ETNK1: variants seen among roughly 807,000 people sequenced by gnomAD.
ETNK1 encodes putative protein product of Nbla10396.
In ETNK1, 8 loss-of-function variants were observed where a neutral mutation model predicts 45.1. The ratio of observed to expected loss-of-function variants is 0.18; its 90% CI spans 0.10 to 0.32. ETNK1 has a LOEUF of 0.32. Ranked by LOEUF, ETNK1 falls within the 10% of genes least tolerant of loss-of-function variation. ETNK1 has a pLI of 1.00. For synonymous variants in ETNK1, 152 were observed against 151.9 expected (o/e 1.00, Z -0.01); for missense variants, 302 against 430.6 (o/e 0.70, Z 2.64).
At chr12:22,673,191 T>C (rs1347649566) in intron 5 of ETNK1, among the ~76,000 whole-genome samples, 1 of 152,196 alleles carries the variant, frequency 6.6e-6, no homozygotes, top group East Asian at 1.9e-4. Flanking sequence ...CTTAAGAATT[T>C]CCTGGGTTGC....
intron 3 of ETNK1, 121 bp downstream of exon 3, chr12:22,659,275 A>G: frequency 2.0e-6 from 2 of 991,194 alleles, no homozygotes; most frequent in Non-Finnish European, 2.9e-6. Flanking sequence ...CATTGAAGTA[A>G]AGTAAGCATT....
intron 1 of ETNK1, among the ~76,000 whole-genome samples, chr12:22,629,331 G>T (rs1335640359): frequency 6.6e-6 from 1 of 151,990 alleles, no homozygotes; most frequent in East Asian, 1.9e-4. Context: ...TTTACTACAG[G>T]TTTTTGCCTG....
At chr12:22,636,138 G>C (rs1483125739) in intron 1 of ETNK1, among the ~76,000 whole-genome samples, 4 of 152,126 alleles carry the variant, frequency 2.6e-5, no homozygotes, top group Non-Finnish European at 5.9e-5. Flanking sequence ...ACTGCAGCCT[G>C]GGTGAACAGA....
chr12:22,666,958 T>A lies in ETNK1; in HGVS notation c.701-4314T>A, dbSNP rs562624898. ...AGAAGAGTTTTTTCATTGGTACTTT[T>A]AAAAAATTTAAATAAATACAAATTG... On this transcript the variant is annotated intron_variant, in intron 4 of 7. Transcript: ENST00000266517. Among the ~76,000 whole-genome samples, 94 of 152,294 alleles carry A rather than the reference T, an allele frequency of 6.2e-4. 1 individual carries two copies. Among genetic ancestry groups the A allele is most frequent in the Middle Eastern group, 3.4e-3 (1 of 294 alleles).
intron 2 of ETNK1, among the ~76,000 whole-genome samples, chr12:22,645,322 T>G (rs1953793691): frequency 6.6e-6 from 1 of 151,848 alleles, no homozygotes; most frequent in Admixed American, 6.6e-5. Flanking sequence ...AGTTTCCTTG[T>G]AACTAAAGCA....
At chr12:22,675,875 T>C (rs12308946) in intron 6 of ETNK1, among the ~76,000 whole-genome samples, 7,106 of 152,296 alleles carry the variant, frequency 0.047, 542 homozygotes, top group African/African-American at 0.16. Flanking sequence ...AATAATTTAA[T>C]ATGTCCTCTG....
intron 2 of ETNK1, chr12:22,644,393 A>C (rs1953780545): frequency 7.7e-7 from 1 of 1,296,318 alleles, no homozygotes; most frequent in Non-Finnish European, 9.9e-7. Flanking sequence ...TGCCTATTAA[A>C]ATTTTATTAA....
At chr12:22,629,416 T>C (rs1231677943) in intron 1 of ETNK1, among the ~76,000 whole-genome samples, 1 of 152,142 alleles carries the variant, frequency 6.6e-6, no homozygotes, top group African/African-American at 2.4e-5. Context: ...AAATTAATCT[T>C]TGTGTTAGGT....
chr12:22,665,722 T>G (rs922136954), intron 4 of ETNK1, among the ~76,000 whole-genome samples: 1 of 152,150 alleles, frequency 6.6e-6, no homozygotes, highest in Non-Finnish European at 1.5e-5. Flanking sequence ...GGTACATGGT[T>G]TGCCAACCCT....
chr12:22,629,881 C>A (rs1329645258), intron 1 of ETNK1, among the ~76,000 whole-genome samples: 1 of 152,020 alleles, frequency 6.6e-6, no homozygotes, highest in Non-Finnish European at 1.5e-5. Flanking sequence ...TTTTCTGTTT[C>A]CTATTCCCTC....
At position 22,659,335 on chromosome 12, in the gene ETNK1, C is replaced by T. The variant is rs180753028; in HGVS notation, c.557+181C>T. Among the ~76,000 whole-genome samples the T allele has an allele frequency of 1.8e-4, 27 of 152,208 alleles. No homozygotes were observed. The East Asian group carries it at 1.9e-3, about 11-fold the overall frequency. On this transcript the variant is annotated intron_variant, in intron 3 of 7. Coordinates refer to ENST00000266517, the MANE Select transcript of ETNK1 (RefSeq NM_018638.5). ...TACAGAAATAACTGCCTCTCCATCCCCCTCAGTGTCCCCTCCCAAAAAATA... is the reference window on the plus strand; with the variant it reads ...TACAGAAATAACTGCCTCTCCATCCTCCTCAGTGTCCCCTCCCAAAAAATA...
intron 2 of ETNK1, chr12:22,644,360 A>G: frequency 1.4e-6 from 2 of 1,446,062 alleles, no homozygotes; most frequent in Non-Finnish European, 1.8e-6. Flanking sequence ...TTATTACTTA[A>G]TTGTTCATGT....
rs573229756 is a variant in ETNK1 at position 22,674,543 on chromosome 12, A to G, written c.945+883A>G. 1.1e-3 allele frequency among the ~76,000 whole-genome samples: 161 copies of G among 152,306 alleles called. 1 individual carries two copies. The highest frequency in any genetic ancestry group is 3.6e-3 in the African/African-American group (149 of 41,562). On this transcript the variant is annotated intron_variant, in intron 6 of 7. Transcript: ENST00000266517. Reference sequence around the variant, plus strand: ...TATTTTCAGTACAGTTACTGGTTCAATTAATGACATGCTCTACAGCTGGTC... The same window carrying G: ...TATTTTCAGTACAGTTACTGGTTCAGTTAATGACATGCTCTACAGCTGGTC...
chr12:22,642,221 C>A (rs970757449), intron 1 of ETNK1, among the ~76,000 whole-genome samples: 1 of 151,816 alleles, frequency 6.6e-6, no homozygotes, highest in Non-Finnish European at 1.5e-5. Context: ...TCTTTATTAC[C>A]GTATTTGAAA....
At chr12:22,659,419 A>C (rs555023015) in intron 3 of ETNK1, among the ~76,000 whole-genome samples, 1 of 152,198 alleles carries the variant, frequency 6.6e-6, no homozygotes, top group East Asian at 1.9e-4. Context: ...AAAAATAAAG[A>C]GTTAGGTGGT....
At chr12:22,671,461 GTGT>G in intron 5 of ETNK1, 106 bp downstream of exon 5, 2 of 785,736 alleles carry the variant, frequency 2.5e-6, no homozygotes, top group Non-Finnish European at 4.2e-6. Context: ...ATTTTCCCAC[GTGT>G]TGTTGACCGT....
chr12:22,675,423 A>G (rs1032456022), intron 6 of ETNK1, among the ~76,000 whole-genome samples: 8 of 151,832 alleles, frequency 5.3e-5, no homozygotes, highest in Non-Finnish European at 1.2e-4. Flanking sequence ...TGGTACGATC[A>G]TAGCTCACTG....
At chr12:22,665,466 T>C (rs1437971734) in intron 4 of ETNK1, among the ~76,000 whole-genome samples, 1 of 152,176 alleles carries the variant, frequency 6.6e-6, no homozygotes, top group Non-Finnish European at 1.5e-5. Context: ...ATATAAAATA[T>C]ATAGCACTGG....
chr12:22,671,479 C>G (rs1397080271), intron 5 of ETNK1, 124 bp downstream of exon 5: 3 of 704,534 alleles, frequency 4.3e-6, no homozygotes, highest in Non-Finnish European at 7.2e-6. Flanking sequence ...GACCGTTTTT[C>G]TTTGCTTTTG....
Sources: allele counts gnomAD v4.1 joint callset (sites outside exome capture counted in the v4.1 genomes callset), GRCh38; gene constraint gnomAD v4.1.1; transcripts MANE v1.5; gene names NCBI Gene and HGNC (gene_info 2026-07-23, HGNC 2026-07-21).